PEX14: variants seen among roughly 807,000 people sequenced by gnomAD.
The protein encoded by PEX14 is peroxisomal biogenesis factor 14.
A neutral mutation model predicts 49.5 loss-of-function variants in PEX14; 15 were observed. The ratio of observed to expected loss-of-function variants is 0.30; its 90% confidence interval spans 0.20 to 0.47. The LOEUF is 0.47. Among genes scored for constraint, PEX14 ranks in the 20% least tolerant of loss-of-function variants. The probability of loss-of-function intolerance (pLI) is 1.00; values close to 1 mark genes in which losing one functional copy is unlikely to be tolerated. For missense variants in PEX14, 398 were observed against 494.8 expected (o/e 0.80, Z 1.86); for synonymous variants, 210 against 212.7 (o/e 0.99, Z 0.11).
intron 2 of PEX14, among the ~76,000 whole-genome samples, chr1:10,506,696 G>A (rs1036135076): frequency 1.3e-5 from 2 of 152,382 alleles, no homozygotes; most frequent in South Asian, 2.1e-4. Flanking sequence ...CGAGATGACA[G>A]TTAAACATTA....
chr1:10,579,562 T>C (rs769968617), intron 3 of PEX14, among the ~76,000 whole-genome samples: 8 of 152,086 alleles, frequency 5.3e-5, no homozygotes, highest in Non-Finnish European at 1.0e-4. Flanking sequence ...AGTAAAGGAA[T>C]AAAAGAATGG....
intron 3 of PEX14, among the ~76,000 whole-genome samples, chr1:10,579,397 C>T (rs1640245157): frequency 6.6e-6 from 1 of 152,132 alleles, no homozygotes; most frequent in Non-Finnish European, 1.5e-5. Flanking sequence ...TGTGTGAGAT[C>T]TTCCCATTGA....
intron 4 of PEX14, among the ~76,000 whole-genome samples, chr1:10,615,646 G>A (rs1378243326): frequency 2.0e-5 from 3 of 152,244 alleles, no homozygotes; most frequent in Non-Finnish European, 4.4e-5. Flanking sequence ...GGGGTTCTGA[G>A]GCTCACAGGG....
intron 1 of PEX14, among the ~76,000 whole-genome samples, chr1:10,475,778 G>A (rs1469384144): frequency 2.0e-5 from 3 of 152,220 alleles, no homozygotes; most frequent in Non-Finnish European, 4.4e-5. Flanking sequence ...GTGGGGTAGG[G>A]TGGGGTGAGG....
At chr1:10,530,574 T>G (rs1474979114) in intron 2 of PEX14, among the ~76,000 whole-genome samples, 1 of 152,168 alleles carries the variant, frequency 6.6e-6, no homozygotes, top group Non-Finnish European at 1.5e-5. Context: ...CTCCCACTAG[T>G]CTGGTTTCGG....
chr1:10,477,880 G>T (rs1641222871), intron 1 of PEX14, among the ~76,000 whole-genome samples: 1 of 152,072 alleles, frequency 6.6e-6, no homozygotes, highest in Admixed American at 6.6e-5. Context: ...AGGACTAAAT[G>T]AGTTATTTAT....
chr1:10,536,829 A>G (rs565765502), intron 3 of PEX14, among the ~76,000 whole-genome samples: 15 of 152,330 alleles, frequency 9.8e-5, no homozygotes, highest in Admixed American at 9.1e-4. Context: ...GACCCTGACA[A>G]ATTCAATATT....
At chr1:10,547,452 G>A (rs1639209498) in intron 3 of PEX14, among the ~76,000 whole-genome samples, 1 of 152,114 alleles carries the variant, frequency 6.6e-6, no homozygotes, top group Non-Finnish European at 1.5e-5. Context: ...CAAATTATGG[G>A]TGCGTTAGTC....
chr1:10,560,418 C>G (rs1483556627), intron 3 of PEX14, among the ~76,000 whole-genome samples: 3 of 151,932 alleles, frequency 2.0e-5, no homozygotes, highest in Non-Finnish European at 4.4e-5. Flanking sequence ...TATGAACACC[C>G]AATTACCTTT....
At chr1:10,485,613 C>T (rs937130009) in intron 1 of PEX14, among the ~76,000 whole-genome samples, 2 of 151,162 alleles carry the variant, frequency 1.3e-5, no homozygotes, top group Admixed American at 6.6e-5. Context: ...ACCACAGGGC[C>T]GAGCCTAAAT....
chr1:10,497,831 C>G (rs979669433), intron 2 of PEX14, among the ~76,000 whole-genome samples: 3 of 152,158 alleles, frequency 2.0e-5, no homozygotes, highest in Non-Finnish European at 4.4e-5. Flanking sequence ...ATTTAAGCTT[C>G]GGGAAATACA....
At chr1:10,592,576 C>T (rs1233938077) in intron 3 of PEX14, among the ~76,000 whole-genome samples, 1 of 152,170 alleles carries the variant, frequency 6.6e-6, no homozygotes, top group Non-Finnish European at 1.5e-5. Context: ...CAGAGAAGCT[C>T]AATAAATTTT....
chr1:10,547,441 GC>G (rs1213400169), intron 3 of PEX14, among the ~76,000 whole-genome samples: 3 of 152,122 alleles, frequency 2.0e-5, no homozygotes, highest in Admixed American at 6.5e-5. Flanking sequence ...GCAATATGGC[GC>G]AAATTATGGG....
intron 5 of PEX14, 42 bp from the exon 6 acceptor site, chr1:10,622,977 C>T (rs769585277): frequency 7.4e-7 from 1 of 1,343,098 alleles, no homozygotes; most frequent in Admixed American, 1.8e-5. Context: ...GAGGATAACC[C>T]CGGGTCCGTA....
intron 1 of PEX14, among the ~76,000 whole-genome samples, chr1:10,484,009 A>G (rs902250750): frequency 3.4e-5 from 5 of 149,014 alleles, no homozygotes; most frequent in South Asian, 4.2e-4. Context: ...TGTATCAGTA[A>G]TTATCAGTAA....
At chr1:10,586,610 A>T (rs1477815817) in intron 3 of PEX14, among the ~76,000 whole-genome samples, 1 of 151,610 alleles carries the variant, frequency 6.6e-6, no homozygotes, top group Non-Finnish European at 1.5e-5. Context: ...ATAATGTTGA[A>T]CAAAAGGAGC....
At chr1:10,577,551 TA>T (rs1640170944) in intron 3 of PEX14, among the ~76,000 whole-genome samples, 1 of 15,586 alleles carries the variant, frequency 6.4e-5, no homozygotes, top group South Asian at 3.4e-3. Context: ...TATATATATA[TA>T]TATATATATA....
chr1:10,479,765 C>G (rs762485116), intron 1 of PEX14, among the ~76,000 whole-genome samples: 1 of 152,214 alleles, frequency 6.6e-6, no homozygotes, highest in Non-Finnish European at 1.5e-5. Context: ...GGAACTTCAT[C>G]ACTCACAACT....
At chr1:10,547,599 C>T (rs1053716553) in intron 3 of PEX14, among the ~76,000 whole-genome samples, 1 of 152,036 alleles carries the variant, frequency 6.6e-6, no homozygotes. Context: ...AAGTTAGGTA[C>T]ACTAAGAGAT....
Sources: allele counts gnomAD v4.1 joint callset (sites outside exome capture counted in the v4.1 genomes callset), GRCh38; gene constraint gnomAD v4.1.1; transcripts MANE v1.5; gene names NCBI Gene and HGNC (gene_info 2026-07-23, HGNC 2026-07-21).